KHDRBS2: variants seen among roughly 807,000 people sequenced by gnomAD.
KHDRBS2 encodes the protein KH RNA binding domain containing, signal transduction associated 2.
Under a neutral mutation model 44.3 loss-of-function variants are expected in KHDRBS2, and 26 were observed. The ratio of observed to expected loss-of-function variants is 0.59; its 90% confidence interval spans 0.43 to 0.81. The LOEUF (loss-of-function observed/expected upper bound fraction) is 0.81. KHDRBS2 is among the 40% of genes least tolerant of loss of function. The probability of loss-of-function intolerance (pLI) is 0.00; values close to 1 mark genes in which losing one functional copy is unlikely to be tolerated. For missense variants in KHDRBS2, 476 were observed against 433.1 expected (o/e 1.10, Z -0.88); for synonymous variants, 194 against 151.1 (o/e 1.28, Z -2.08).
intron 3 of KHDRBS2, among the ~76,000 whole-genome samples, chr6:62,033,040 C>T (rs1784629254): frequency 6.6e-6 from 1 of 151,640 alleles, no homozygotes; most frequent in Non-Finnish European, 1.5e-5. Context: ...ATGAATCAAG[C>T]AGAATTCTGG....
At chr6:61,906,206 C>T (rs923405175) in intron 4 of KHDRBS2, among the ~76,000 whole-genome samples, 5 of 152,042 alleles carry the variant, frequency 3.3e-5, no homozygotes, top group African/African-American at 1.2e-4. Flanking sequence ...ACTGTCTAGA[C>T]TGAACATATT....
chr6:61,571,331 T>A, the KHDRBS2 span, among the ~76,000 whole-genome samples: 1 of 152,180 alleles, frequency 6.6e-6, no homozygotes, highest in East Asian at 1.9e-4. Context: ...AAAAGGGACA[T>A]TATATAATGA....
intron 1 of KHDRBS2, among the ~76,000 whole-genome samples, chr6:62,256,034 C>T (rs577054809): frequency 1.4e-4 from 21 of 151,906 alleles, no homozygotes; most frequent in South Asian, 1.0e-3. Context: ...ACTCAGGAGG[C>T]TGAGACTGGA....
intron 1 of KHDRBS2, among the ~76,000 whole-genome samples, chr6:62,214,483 C>T (rs1490570127): frequency 6.6e-6 from 1 of 151,920 alleles, no homozygotes; most frequent in African/African-American, 2.4e-5. Context: ...TTTTTAATGG[C>T]TAAGACCTAA....
At chr6:61,815,711 G>T (rs1349671793) in intron 6 of KHDRBS2, among the ~76,000 whole-genome samples, 1 of 152,142 alleles carries the variant, frequency 6.6e-6, no homozygotes, top group Admixed American at 6.6e-5. Flanking sequence ...TGCTTTTAAT[G>T]AAATCTGTAG....
At chr6:61,797,240 T>C (rs1209806982) in intron 6 of KHDRBS2, among the ~76,000 whole-genome samples, 1 of 152,126 alleles carries the variant, frequency 6.6e-6, no homozygotes, top group Admixed American at 6.6e-5. Context: ...GAAATGCTTG[T>C]TGAAGATGAT....
intron 1 of KHDRBS2, among the ~76,000 whole-genome samples, chr6:62,179,382 A>C (rs1232375905): frequency 6.6e-6 from 1 of 151,754 alleles, no homozygotes; most frequent in Non-Finnish European, 1.5e-5. Context: ...GGAAGTATTA[A>C]CAAGCCACTT....
chr6:62,099,540 G>T (rs1277972757), intron 2 of KHDRBS2, among the ~76,000 whole-genome samples: 2 of 152,164 alleles, frequency 1.3e-5, no homozygotes, highest in African/African-American at 4.8e-5. Context: ...GCTAGGAAAG[G>T]TCCAGATGCC....
intron 2 of KHDRBS2, among the ~76,000 whole-genome samples, chr6:62,066,095 C>G (rs1049077938): frequency 6.6e-6 from 1 of 151,624 alleles, no homozygotes; most frequent in Non-Finnish European, 1.5e-5. Flanking sequence ...GTACATTCTT[C>G]AAGCTCAAGT....
Position 62,158,417 on chromosome 6 carries a change from A to T in KHDRBS2, c.219+18768T>A, listed in dbSNP as rs116668906. Among the ~76,000 whole-genome samples the T allele has an allele frequency of 8.7e-3, 1,331 of 152,242 alleles. 18 individuals are homozygous for T. Among genetic ancestry groups the T allele is most frequent in the African/African-American group, 0.03 (1,241 of 41,542 alleles). ...ATGTTGAAGCTGAAAAACAGTTAAGATGAAGGTGTTTATGAAACTTCCCAC... is the reference window on the plus strand; with the variant it reads ...ATGTTGAAGCTGAAAAACAGTTAAGTTGAAGGTGTTTATGAAACTTCCCAC... On this transcript the variant is annotated intron_variant, in intron 2 of 8. Transcript: ENST00000281156.
intron 8 of KHDRBS2, among the ~76,000 whole-genome samples, 161 bp from the exon 9 acceptor site, chr6:61,681,221 T>C (rs931887129): frequency 2.0e-5 from 3 of 151,886 alleles, no homozygotes; most frequent in Non-Finnish European, 4.4e-5. Flanking sequence ...AAAAAGTGTG[T>C]GTATATAAAT....
chr6:61,823,614 T>C (rs1223962971), intron 6 of KHDRBS2, among the ~76,000 whole-genome samples: 2 of 152,088 alleles, frequency 1.3e-5, no homozygotes, highest in African/African-American at 4.8e-5. Context: ...TTTATGATTA[T>C]CCTCATCAGT....
chr6:61,892,087 A>G (rs1801946213), intron 6 of KHDRBS2, among the ~76,000 whole-genome samples: 1 of 152,248 alleles, frequency 6.6e-6, no homozygotes, highest in Admixed American at 6.5e-5. Context: ...AAAAATCACA[A>G]GCATTCGTAT....
At chr6:62,107,405 C>G (rs1038616521) in intron 2 of KHDRBS2, among the ~76,000 whole-genome samples, 1 of 152,090 alleles carries the variant, frequency 6.6e-6, no homozygotes, top group Non-Finnish European at 1.5e-5. Flanking sequence ...AGGACCTCTT[C>G]AAGGAGAACT....
At chr6:62,061,644 T>A (rs1791928951) in intron 2 of KHDRBS2, among the ~76,000 whole-genome samples, 2 of 151,150 alleles carry the variant, frequency 1.3e-5, no homozygotes, top group Middle Eastern at 3.2e-3. Context: ...ATCTGACAAT[T>A]ATGTGTCTTG....
the KHDRBS2 span, among the ~76,000 whole-genome samples, chr6:61,651,946 T>A: frequency 6.6e-6 from 1 of 152,146 alleles, no homozygotes; most frequent in Non-Finnish European, 1.5e-5. Context: ...AGATTTCATT[T>A]GTGGGTAGCA....
intron 2 of KHDRBS2, among the ~76,000 whole-genome samples, chr6:62,142,254 G>A (rs528156702): frequency 1.4e-4 from 22 of 152,130 alleles, no homozygotes; most frequent in African/African-American, 5.3e-4. Flanking sequence ...ATTGAAGCAG[G>A]ATGAAAAACT....
intron 3 of KHDRBS2, among the ~76,000 whole-genome samples, chr6:62,036,230 G>T (rs1785254862): frequency 1.3e-5 from 2 of 151,888 alleles, no homozygotes; most frequent in Non-Finnish European, 2.9e-5. Flanking sequence ...CAGAAGAGAG[G>T]ACGGATAGCA....
chr6:61,756,651 G>A (rs1395902744), intron 6 of KHDRBS2, among the ~76,000 whole-genome samples: 23 of 152,142 alleles, frequency 1.5e-4, no homozygotes, highest in Admixed American at 1.5e-3. Context: ...GAAATAAACA[G>A]CAGTGCATTT....
Sources: gnomAD v4.1 joint callset for allele counts (sites outside exome capture counted in the v4.1 genomes callset) on GRCh38, gnomAD v4.1.1 for gene constraint, MANE v1.5 for transcripts, NCBI Gene and HGNC (gene_info 2026-07-23, HGNC 2026-07-21) for gene names.